The following CDYL variants were observed in gnomAD, a reference collection of about 807,000 sequenced individuals.
CDYL encodes the protein chromodomain Y like, also known as chromodomain Y-like protein.
CDYL carries 8 observed loss-of-function variants against 47.3 expected under a neutral mutation model. That is an observed-to-expected ratio of 0.17 (90% CI 0.10 to 0.31). The LOEUF (loss-of-function observed/expected upper bound fraction) is 0.31, where lower values mean the gene tolerates loss of function less well. Ranked by LOEUF, CDYL falls within the 10% of genes least tolerant of loss-of-function variation. The pLI is 1.00. For missense variants in CDYL, 471 were observed against 701.4 expected, an observed-to-expected ratio of 0.67 and a Z score of 3.71; for synonymous variants, 266 against 265.0, an observed-to-expected ratio of 1.00 and a Z score of -0.04.
intron 2 of CDYL, among the ~76,000 whole-genome samples, chr6:4,922,539 C>G (rs1473006513): frequency 6.6e-6 from 1 of 152,176 alleles, no homozygotes; most frequent in Non-Finnish European, 1.5e-5. Flanking sequence ...GAGCGTGTTT[C>G]CTTGGGTGCA....
chr6:4,823,772 T>G (rs1014517901), intron 1 of CDYL, among the ~76,000 whole-genome samples: 3 of 152,236 alleles, frequency 2.0e-5, no homozygotes, highest in Non-Finnish European at 4.4e-5. Flanking sequence ...CAATTTGAAA[T>G]GTACAATTCC....
chr6:4,819,812 T>C (rs1046637605), intron 1 of CDYL, among the ~76,000 whole-genome samples: 6 of 152,090 alleles, frequency 3.9e-5, no homozygotes, highest in African/African-American at 1.5e-4. Flanking sequence ...TGGCATCTTA[T>C]GGGTAGAGGC....
rs572924334 is a variant in CDYL at position 4,779,576 on chromosome 6, A to T, written c.24+2769A>T. On this transcript the variant is annotated intron_variant, in intron 1 of 6. Coordinates refer to ENST00000397588, the MANE Select transcript of CDYL (RefSeq NM_004824.4). ...AATAAAGGAACAGATCCTGGAAAAG[A>T]TGGGTAGAGCATGAACCTTGCAAAA... 2.7e-3 allele frequency among the ~76,000 whole-genome samples: 412 copies of T among 152,336 alleles called. 6 individuals are homozygous for T. Among genetic ancestry groups the T allele is most frequent in the African/African-American group, 9.3e-3 (387 of 41,576 alleles).
chr6:4,887,747 A>G (rs61278797), intron 1 of CDYL, among the ~76,000 whole-genome samples: 3,451 of 152,278 alleles, frequency 0.023, 84 homozygotes, highest in East Asian at 0.09. Context: ...AGTGGCAAGA[A>G]CAAACATCTT....
intron 2 of CDYL, among the ~76,000 whole-genome samples, chr6:4,909,569 C>CATTTTTTTTT (rs375154033): frequency 6.6e-6 from 1 of 151,802 alleles, no homozygotes; most frequent in African/African-American, 2.4e-5. Context: ...AAAATTCATA[C>CATTTTTTTTT]TTTTTTTTGT....
rs1334198752 is a variant in CDYL, at chr6:4,895,447, GCATATATA to G, written c.691+3072_691+3079del. On this transcript the variant is annotated intron_variant, in intron 2 of 6. Transcript: ENST00000397588. Reference sequence around the variant, plus strand: ...CATGTATACATGTATACGTATATATGCATATATACATGTATACATATATACGTATATAT... The same window carrying G: ...CATGTATACATGTATACGTATATATGCATGTATACATATATACGTATATAT... 3.8e-3 allele frequency among the ~76,000 whole-genome samples: 306 copies of G among 81,218 alleles called. 137 individuals are homozygous for G. Among genetic ancestry groups the G allele is most frequent in the African/African-American group, 0.013 (297 of 22,096 alleles). 53.3% of individuals were successfully genotyped at this position (81,218 alleles called of 152,430 possible).
intron 5 of CDYL, 105 bp from the exon 6 acceptor site, chr6:4,952,161 G>A: frequency 1.3e-5 from 18 of 1,334,846 alleles, no homozygotes; most frequent in Non-Finnish European, 1.7e-5. Flanking sequence ...TCCCTGCGGG[G>A]CTGGTATTTG....
chr6:4,771,238 C>T (rs973128289), intron 3 of CDYL, among the ~76,000 whole-genome samples: 1 of 152,000 alleles, frequency 6.6e-6, no homozygotes, highest in Admixed American at 6.5e-5. Context: ...CTCAGCCTCC[C>T]GAGTGGCTGG....
intron 2 of CDYL, among the ~76,000 whole-genome samples, chr6:4,717,381 G>T (rs557821135): frequency 6.6e-6 from 1 of 152,098 alleles, no homozygotes; most frequent in Non-Finnish European, 1.5e-5. Flanking sequence ...CACCATAAGG[G>T]ACTTCCGCTT....
At chr6:4,886,995 A>G (rs2127481244) in intron 1 of CDYL, among the ~76,000 whole-genome samples, 1 of 152,286 alleles carries the variant, frequency 6.6e-6, no homozygotes, top group South Asian at 2.1e-4. Context: ...GTTGTCCAAA[A>G]TATTTGACCA....
At chr6:4,788,632 C>T (rs963184717) in intron 1 of CDYL, among the ~76,000 whole-genome samples, 1 of 151,788 alleles carries the variant, frequency 6.6e-6, no homozygotes, top group African/African-American at 2.4e-5. Flanking sequence ...AAGATTGAAA[C>T]ACCACCCCTC....
chr6:4,867,372 G>A (rs1489446984), intron 1 of CDYL, among the ~76,000 whole-genome samples: 1 of 152,026 alleles, frequency 6.6e-6, no homozygotes, highest in East Asian at 1.9e-4. Flanking sequence ...CAGACTTGCT[G>A]AGAATGAACA....
intron 1 of CDYL, among the ~76,000 whole-genome samples, chr6:4,787,297 G>C (rs1332730826): frequency 6.6e-6 from 1 of 152,168 alleles, no homozygotes; most frequent in African/African-American, 2.4e-5. Context: ...CCTTCCTTCA[G>C]AGTGCACCTA....
chr6:4,759,950 GAAAGAAAAAAGAAAAACA>G (rs1582318303), intron 3 of CDYL, among the ~76,000 whole-genome samples: 1 of 74,510 alleles, frequency 1.3e-5, no homozygotes, highest in African/African-American at 4.4e-5. Flanking sequence ...AGAAAAGAAA[GAAAGAAAAAAGAAAAACA>G]AAAGAAATTA....
intron 2 of CDYL, among the ~76,000 whole-genome samples, chr6:4,922,919 T>C (rs537519328): frequency 2.0e-5 from 3 of 152,312 alleles, no homozygotes; most frequent in Admixed American, 2.0e-4. Context: ...TGCCTGCAAG[T>C]GTGGCCCAGG....
intron 1 of CDYL, among the ~76,000 whole-genome samples, chr6:4,884,988 C>T (rs1333881794): frequency 2.0e-5 from 3 of 152,064 alleles, no homozygotes; most frequent in Non-Finnish European, 2.9e-5. Flanking sequence ...ATTTTAGAAA[C>T]TATTTATAAT....
intron 2 of CDYL, among the ~76,000 whole-genome samples, chr6:4,925,690 A>G (rs1237193760): frequency 6.6e-6 from 1 of 152,122 alleles, no homozygotes; most frequent in Non-Finnish European, 1.5e-5. Flanking sequence ...TGCTGGGAAC[A>G]GGGTGAAGAG....
At chr6:4,907,184 C>T (rs1340111367) in intron 2 of CDYL, among the ~76,000 whole-genome samples, 1 of 152,194 alleles carries the variant, frequency 6.6e-6, no homozygotes, top group African/African-American at 2.4e-5. Flanking sequence ...AGAGCTGGAT[C>T]ACTGTAGGGC....
rs377515119 is a variant in CDYL at position 4,753,521 on chromosome 6, C to T, written c.186+18677C>T. Among the ~76,000 whole-genome samples the T allele has an allele frequency of 3.9e-5, 6 of 152,308 alleles. No homozygotes were observed. In the East Asian group the frequency reaches 1.2e-3, roughly 29 times the overall value. ...AAGGTTATGCAAATTCTCCACTCTG[C>T]TGGATATCCTAAAATTTACCTATGG... On this transcript the variant is annotated intron_variant, in intron 3 of 8. Transcript: ENST00000328908.
Sources: gnomAD v4.1 joint callset for allele counts (sites outside exome capture counted in the v4.1 genomes callset) on GRCh38, gnomAD v4.1.1 for gene constraint, MANE v1.5 for transcripts, NCBI Gene and HGNC (gene_info 2026-07-23, HGNC 2026-07-21) for gene names.